ELOVL7: variants seen among roughly 807,000 people sequenced by gnomAD.
ELOVL7 encodes the protein very long chain fatty acid elongase 7.
In ELOVL7, 27 loss-of-function variants were observed where a neutral mutation model predicts 35.7. The observed-to-expected ratio is 0.76, with a 90% CI of 0.56 to 1.04. The LOEUF (loss-of-function observed/expected upper bound fraction) is 1.04, where lower values mean the gene tolerates loss of function less well. Ranked by LOEUF, ELOVL7 falls within the 50% of genes least tolerant of loss-of-function variation. The pLI is 0.00. For missense variants in ELOVL7, 327 were observed against 340.8 expected, an observed-to-expected ratio of 0.96 and a Z score of 0.32; for synonymous variants, 113 against 114.6, an observed-to-expected ratio of 0.99 and a Z score of 0.09.
chr5:60,778,638 AT>A, intron 3 of ELOVL7, among the ~76,000 whole-genome samples: 1 of 152,208 alleles, frequency 6.6e-6, no homozygotes, highest in South Asian at 2.1e-4. Flanking sequence ...AGGTCCCTCC[AT>A]AACATGTGGG....
At chr5:60,781,585 T>G (rs1034638763) in intron 3 of ELOVL7, among the ~76,000 whole-genome samples, 1 of 152,198 alleles carries the variant, frequency 6.6e-6, no homozygotes, top group African/African-American at 2.4e-5. Context: ...AATAATTTTT[T>G]CCCGTAATTT....
rs539199950 is a variant in ELOVL7 at position 60,753,937 on chromosome 5, G to C, written c.*687C>G. 3.9e-5 allele frequency: 6 copies of C among 152,208 alleles called. No homozygotes were observed. Among genetic ancestry groups the C allele is most frequent in the South Asian group, 4.2e-4 (2 of 4,814 alleles). The allele number at this position is 152,208 out of a possible 1,614,324, so 9.4% of individuals were successfully genotyped here. ...GAAAATAATCAACTGAATGAAACTT[G>C]GTATCAAGTGTACTAACCCAAAGGA... On this transcript the variant is annotated 3_prime_UTR_variant, in exon 9 of 9. Transcript: ENST00000508821.
chr5:60,800,742 T>G (rs1036168407), intron 1 of ELOVL7, among the ~76,000 whole-genome samples: 8 of 152,110 alleles, frequency 5.3e-5, no homozygotes. Context: ...GACCTCTTTG[T>G]TGTGCCCTCA....
chr5:60,779,014 T>C (rs1268000424), intron 3 of ELOVL7, among the ~76,000 whole-genome samples: 1 of 152,168 alleles, frequency 6.6e-6, no homozygotes, highest in African/African-American at 2.4e-5. Flanking sequence ...AGGGCAGTCA[T>C]TAAATCTCAA....
chr5:60,779,684 T>A (rs941911006), intron 3 of ELOVL7, among the ~76,000 whole-genome samples: 3 of 152,176 alleles, frequency 2.0e-5, no homozygotes, highest in African/African-American at 7.2e-5. Flanking sequence ...GCTGCCAAGG[T>A]CTCTGACATA....
chr5:60,843,853 TG>T (rs1444426802), intron 1 of ELOVL7, among the ~76,000 whole-genome samples: 4 of 151,708 alleles, frequency 2.6e-5, no homozygotes, highest in Non-Finnish European at 5.9e-5. Context: ...TGCTGCCGGG[TG>T]GGGGCTCCCG....
intron 1 of ELOVL7, among the ~76,000 whole-genome samples, chr5:60,821,347 G>A (rs1180953437): frequency 3.3e-5 from 5 of 152,086 alleles, no homozygotes; most frequent in Admixed American, 6.6e-5. Context: ...AACAGTATTC[G>A]CTGAACGAAT....
intron 1 of ELOVL7, among the ~76,000 whole-genome samples, chr5:60,814,072 T>G (rs997024584): frequency 1.3e-5 from 2 of 152,200 alleles, no homozygotes; most frequent in African/African-American, 4.8e-5. Flanking sequence ...TCAGCTAAGC[T>G]ACTTCTCTGA....
At position 60,767,877 on chromosome 5, in the gene ELOVL7, AC is replaced by A. The variant is rs2112163786; in HGVS notation, c.281del (p.Gly94ValfsTer18). On this transcript the variant is annotated frameshift_variant, in exon 5 of 9. Transcript: ENST00000508821. LOFTEE classifies it high-confidence loss of function. ...YEFVMSGWGIGYSFRCDIVDY... is the reference protein window; with the variant it reads ...YEFVMSGWGIXYSFRCDIVDY... ...CAACAATGTCACATCGAAATGAATA[AC>A]CTATACCCCAGCCAGACATCACAAA... The A allele has an allele frequency of 6.2e-7, 1 of 1,613,980 alleles. No homozygotes were observed. The highest frequency in any genetic ancestry group is 2.2e-5 in the East Asian group (1 of 44,852).
Position 60,768,016 on chromosome 5 carries a change from G to C in ELOVL7, c.256-113C>G. On this transcript the variant is annotated intron_variant, in intron 4 of 8. Coordinates refer to ENST00000508821, the MANE Select transcript of ELOVL7 (RefSeq NM_024930.3). ...ATTTTCAGCTAAGTCAATAGTCAGTGCAGAGGAAAAGGTAGCTGGAACAAA... is the reference window on the plus strand; with the variant it reads ...ATTTTCAGCTAAGTCAATAGTCAGTCCAGAGGAAAAGGTAGCTGGAACAAA... 6.7e-6 allele frequency: 5 copies of C among 743,854 alleles called. No individual in the cohort carries two copies. In the South Asian group the frequency reaches 9.0e-5, roughly 13 times the overall value. 46.1% of individuals were successfully genotyped at this position (743,854 alleles called of 1,614,324 possible). A position where few individuals can be genotyped will look rare whatever the true frequency, so the allele number is the denominator to read the frequency against.
At chr5:60,827,883 G>T (rs919646609) in intron 1 of ELOVL7, among the ~76,000 whole-genome samples, 1 of 152,008 alleles carries the variant, frequency 6.6e-6, no homozygotes, top group Non-Finnish European at 1.5e-5. Context: ...CATCCTTCCT[G>T]CACACCCAGA....
At chr5:60,808,787 G>A (rs2112312360) in intron 1 of ELOVL7, among the ~76,000 whole-genome samples, 1 of 152,256 alleles carries the variant, frequency 6.6e-6, no homozygotes, top group South Asian at 2.1e-4. Context: ...TTACTACTCA[G>A]CAATAAAAAG....
At chr5:60,798,036 T>G (rs1003485502) in intron 2 of ELOVL7, among the ~76,000 whole-genome samples, 2 of 152,138 alleles carry the variant, frequency 1.3e-5, no homozygotes, top group African/African-American at 4.8e-5. Flanking sequence ...TTGCTTTGAG[T>G]TGTCCCGCGT....
rs201806045 is a variant in ELOVL7 at position 60,767,919 on chromosome 5, T to G, written c.256-16A>C. On this transcript the variant is annotated splice_polypyrimidine_tract_variant and intron_variant, in intron 4 of 8. Transcript: ENST00000508821. ...ACATCACAAACTGCAAGAGAGCACA[T>G]GCATATTAAGAAAGGAAAGCATTTT... is the stretch of plus-strand genomic sequence containing the variant. The G allele has an allele frequency of 1.9e-6, 3 of 1,604,390 alleles. No individual in the cohort carries two copies. Among genetic ancestry groups the G allele is most frequent in the African/African-American group, 1.3e-5 (1 of 74,834 alleles).
chr5:60,760,947 T>C (rs1051348452), intron 7 of ELOVL7, among the ~76,000 whole-genome samples: 1 of 152,190 alleles, frequency 6.6e-6, no homozygotes, highest in Non-Finnish European at 1.5e-5. Flanking sequence ...CAAGAGTGTT[T>C]AGTAAGGTTT....
At chr5:60,822,877 G>A (rs1301185591) in intron 1 of ELOVL7, among the ~76,000 whole-genome samples, 1 of 152,234 alleles carries the variant, frequency 6.6e-6, no homozygotes, top group Non-Finnish European at 1.5e-5. Flanking sequence ...AAATGCATCA[G>A]AGAGGTTCAG....
chr5:60,777,674 G>C (rs969358941), intron 3 of ELOVL7, among the ~76,000 whole-genome samples: 1 of 152,174 alleles, frequency 6.6e-6, no homozygotes. Flanking sequence ...ACAGTAAGGA[G>C]AGTAAGTGCT....
chr5:60,812,963 C>T (rs927903714), intron 1 of ELOVL7, among the ~76,000 whole-genome samples: 4 of 152,154 alleles, frequency 2.6e-5, no homozygotes, highest in Admixed American at 6.6e-5. Context: ...TCTACTTGTT[C>T]CTAAAACAAT....
chr5:60,821,019 A>C (rs948904269), intron 1 of ELOVL7, among the ~76,000 whole-genome samples: 21 of 152,126 alleles, frequency 1.4e-4, no homozygotes, highest in African/African-American at 4.8e-4. Flanking sequence ...TTCTCGGTAA[A>C]TTTGAGTAAT....
Sources: gnomAD v4.1 joint callset for allele counts (sites outside exome capture counted in the v4.1 genomes callset) on GRCh38, gnomAD v4.1.1 for gene constraint, MANE v1.5 for transcripts, NCBI Gene and HGNC (gene_info 2026-07-23, HGNC 2026-07-21) for gene names.